PCDH11X: variants seen among roughly 807,000 people sequenced by gnomAD.
PCDH11X encodes protocadherin 11 X-linked.
In PCDH11X, 18 loss-of-function variants were observed where a neutral mutation model predicts 53.3. That is an observed-to-expected ratio of 0.34 (90% CI 0.23 to 0.50). The LOEUF is 0.50. Ranked by LOEUF, PCDH11X falls within the 20% of genes least tolerant of loss-of-function variation. The pLI is 0.98. For missense variants in PCDH11X, 570 were observed against 1,032.4 expected (o/e 0.55, Z 6.14); for synonymous variants, 279 against 393.3 (o/e 0.71, Z 3.44).
At chrX:92,186,731 T>C (rs979838821) in intron 6 of PCDH11X, among the ~76,000 whole-genome samples, 9 of 109,750 alleles carry the variant, frequency 8.2e-5, no homozygotes, top group Non-Finnish European at 1.7e-4. Flanking sequence ...TACAGATAGA[T>C]AGGAGGAATA....
intron 6 of PCDH11X, among the ~76,000 whole-genome samples, chrX:92,115,550 A>G (rs1296239323): frequency 1.8e-5 from 2 of 110,576 alleles, no homozygotes; most frequent in East Asian, 5.7e-4. Flanking sequence ...ACTGTCTGCA[A>G]GCTGAAGAGC....
chrX:92,484,853 A>AT (rs964408741), intron 10 of PCDH11X, among the ~76,000 whole-genome samples: 1 of 110,857 alleles, frequency 9.0e-6, no homozygotes, highest in African/African-American at 3.3e-5. Context: ...TGTAAAAAAA[A>AT]TTTTTTTAAT....
chrX:91,932,699 T>TGTGCGC (rs1555966145), intron 6 of PCDH11X, among the ~76,000 whole-genome samples: 1 of 92,359 alleles, frequency 1.1e-5, no homozygotes, highest in African/African-American at 4.6e-5. Context: ...TGTGTGTGTG[T>TGTGCGC]GCGCGCGCGC....
At chrX:92,147,851 C>CTTTCTTTCTTTCTTTCTTTCTTTCTTTCT (rs1410054680) in intron 6 of PCDH11X, among the ~76,000 whole-genome samples, 7 of 95,262 alleles carry the variant, frequency 7.3e-5, no homozygotes, top group African/African-American at 2.9e-4. Flanking sequence ...TTCTTTCTTT[C>CTTTCTTTCTTTCTTTCTTTCTTTCTTTCT]TTTTTTCTTT....
intron 6 of PCDH11X, among the ~76,000 whole-genome samples, chrX:91,890,676 T>A (rs985757751): frequency 9.2e-6 from 1 of 109,156 alleles, no homozygotes; most frequent in Admixed American, 1.0e-4. Flanking sequence ...TTATTTTGCA[T>A]TGTTACATTA....
At chrX:92,103,533 A>G (rs1455969395) in intron 6 of PCDH11X, among the ~76,000 whole-genome samples, 7 of 111,682 alleles carry the variant, frequency 6.3e-5, no homozygotes, top group Non-Finnish European at 1.1e-4. Flanking sequence ...AGAAGGAGTC[A>G]GTCAGAGAGC....
At chrX:92,309,664 AT>A (rs2068906005) in intron 8 of PCDH11X, among the ~76,000 whole-genome samples, 1 of 111,818 alleles carries the variant, frequency 8.9e-6, no homozygotes, top group African/African-American at 3.2e-5. Flanking sequence ...TTTATGTTAT[AT>A]TTTTTCACAA....
chrX:92,010,794 A>T (rs2062678082), intron 6 of PCDH11X, among the ~76,000 whole-genome samples: 2 of 109,478 alleles, frequency 1.8e-5, no homozygotes, highest in African/African-American at 3.3e-5. Context: ...ATTGTTTGTC[A>T]CTTGGGTTTG....
intron 8 of PCDH11X, among the ~76,000 whole-genome samples, chrX:92,305,693 C>A (rs944091508): frequency 9.2e-6 from 1 of 108,693 alleles, no homozygotes; most frequent in Non-Finnish European, 1.9e-5. Flanking sequence ...TTCATCACAT[C>A]TTTTCACAAA....
chrX:92,160,552 C>T (rs888170911), intron 6 of PCDH11X, among the ~76,000 whole-genome samples: 5 of 108,565 alleles, frequency 4.6e-5, no homozygotes, highest in South Asian at 8.0e-4. Context: ...TTTATCCACT[C>T]GTTGAGTGAT....
At chrX:92,130,962 A>G (rs1378275427) in intron 6 of PCDH11X, among the ~76,000 whole-genome samples, 1 of 102,245 alleles carries the variant, frequency 9.8e-6, no homozygotes, top group African/African-American at 3.7e-5. Flanking sequence ...GGAAATATGT[A>G]AAAAAAAAAA....
intron 6 of PCDH11X, among the ~76,000 whole-genome samples, chrX:92,149,095 G>A (rs1215886331): frequency 9.0e-6 from 1 of 111,070 alleles, no homozygotes; most frequent in Non-Finnish European, 1.9e-5. Flanking sequence ...AGAAACGAGT[G>A]TATCTGTATT....
At chrX:92,483,956 C>G (rs1250303286) in intron 10 of PCDH11X, among the ~76,000 whole-genome samples, 1 of 106,671 alleles carries the variant, frequency 9.4e-6, no homozygotes, top group Admixed American at 1.1e-4. Context: ...GGGTATCTAC[C>G]CAGAGGAAAA....
At chrX:92,215,953 G>A (rs1216595082) in intron 7 of PCDH11X, among the ~76,000 whole-genome samples, 1 of 111,080 alleles carries the variant, frequency 9.0e-6, no homozygotes, top group Non-Finnish European at 1.9e-5. Flanking sequence ...AGGGTCTGGA[G>A]TGGACCTCTA....
At chrX:92,307,347 T>C (rs924322101) in intron 8 of PCDH11X, among the ~76,000 whole-genome samples, 1 of 110,555 alleles carries the variant, frequency 9.0e-6, no homozygotes, top group African/African-American at 3.3e-5. Context: ...ATTAACAGAA[T>C]GAAGGAAAAA....
intron 6 of PCDH11X, among the ~76,000 whole-genome samples, chrX:91,974,275 AATC>A (rs1301742476): frequency 2.7e-5 from 3 of 109,799 alleles, no homozygotes; most frequent in Non-Finnish European, 5.7e-5. Context: ...ATTAAAGAAA[AATC>A]ATCAATTTTG....
intron 6 of PCDH11X, among the ~76,000 whole-genome samples, chrX:92,139,308 T>G (rs1326644472): frequency 1.0e-5 from 1 of 96,556 alleles, no homozygotes; most frequent in Non-Finnish European, 2.1e-5. Flanking sequence ...GGAGTCTTGC[T>G]CTTGTCGCCC....
chrX:92,095,627 G>A (rs1170822668), intron 6 of PCDH11X, among the ~76,000 whole-genome samples: 1 of 111,234 alleles, frequency 9.0e-6, no homozygotes, highest in Non-Finnish European at 1.9e-5. Flanking sequence ...TCTAATTCAG[G>A]CAGAAAGTCA....
intron 6 of PCDH11X, among the ~76,000 whole-genome samples, chrX:92,062,959 A>G (rs902447282): frequency 9.0e-6 from 1 of 111,607 alleles, no homozygotes; most frequent in African/African-American, 3.3e-5. Context: ...ATGCCCATCA[A>G]TGATACACTG....
Sources: gnomAD v4.1 joint callset for allele counts (sites outside exome capture counted in the v4.1 genomes callset) on GRCh38, gnomAD v4.1.1 for gene constraint, MANE v1.5 for transcripts, NCBI Gene and HGNC (gene_info 2026-07-23, HGNC 2026-07-21) for gene names.